Variants in PLD1 observed in about 807,000 individuals in gnomAD.
PLD1 encodes phospholipase D1.
In PLD1, 112 loss-of-function variants were observed where a neutral mutation model predicts 137.1. The observed-to-expected ratio is 0.82, with a 90% CI of 0.70 to 0.96. The LOEUF (loss-of-function observed/expected upper bound fraction) is 0.96. Ranked by LOEUF, PLD1 falls within the 40% of genes least tolerant of loss-of-function variation. The probability of loss-of-function intolerance (pLI) is 0.00; values close to 1 mark genes in which losing one functional copy is unlikely to be tolerated. For synonymous variants in PLD1, 431 were observed against 454.7 expected, an observed-to-expected ratio of 0.95 and a Z score of 0.66; for missense variants, 1,321 against 1,342.0, an observed-to-expected ratio of 0.98 and a Z score of 0.24.
intron 1 of PLD1, among the ~76,000 whole-genome samples, chr3:171,758,607 G>T (rs1050297038): frequency 6.6e-6 from 1 of 152,160 alleles, no homozygotes; most frequent in East Asian, 1.9e-4. Context: ...ATCCAAGTGA[G>T]CCATATGCAT....
chr3:171,683,148 G>A (rs1023164233), intron 16 of PLD1, among the ~76,000 whole-genome samples: 1 of 152,076 alleles, frequency 6.6e-6, no homozygotes, highest in African/African-American at 2.4e-5. Flanking sequence ...TTCCAGTGGG[G>A]CCAAAGATTT....
intron 25 of PLD1, among the ~76,000 whole-genome samples, chr3:171,606,377 T>C (rs550545633): frequency 6.6e-6 from 1 of 152,290 alleles, no homozygotes; most frequent in African/African-American, 2.4e-5. Flanking sequence ...AGTAGATAAA[T>C]GGAACTGGGG....
At chr3:171,617,737 G>T (rs901146179) in intron 24 of PLD1, among the ~76,000 whole-genome samples, 1 of 152,084 alleles carries the variant, frequency 6.6e-6, no homozygotes, top group Non-Finnish European at 1.5e-5. Flanking sequence ...ATGCACAAAA[G>T]AGATCTTCAG....
intron 11 of PLD1, among the ~76,000 whole-genome samples, chr3:171,705,774 G>A (rs1233892747): frequency 6.6e-6 from 1 of 152,106 alleles, no homozygotes; most frequent in Non-Finnish European, 1.5e-5. Flanking sequence ...TACAACTTTG[G>A]AAAACACTAC....
chr3:171,775,338 A>G (rs1381044811), intron 1 of PLD1, among the ~76,000 whole-genome samples: 3 of 152,202 alleles, frequency 2.0e-5, no homozygotes. Flanking sequence ...AATGCATTTT[A>G]ATAAAGGACA....
rs930972547 is a variant in PLD1, at chr3:171,763,836, T to C, written c.-31-25754A>G. ...CAGCTTATTTTCTTTCTTTCTTTTT[T>C]TTTTTTTTTTTTTTTTGAGATAGAG... On this transcript the variant is annotated intron_variant, in intron 1 of 26. Transcript: ENST00000351298. 9.8e-5 allele frequency among the ~76,000 whole-genome samples: 14 copies of C among 142,264 alleles called. 1 individual carries two copies. The highest frequency in any genetic ancestry group is 3.3e-3 in the Middle Eastern group (1 of 306). 93.3% of individuals were successfully genotyped at this position (142,264 alleles called of 152,430 possible). A position where few individuals can be genotyped will look rare whatever the true frequency, so the allele number is the denominator to read the frequency against.
intron 1 of PLD1, among the ~76,000 whole-genome samples, chr3:171,797,287 G>A (rs1247315186): frequency 1.3e-5 from 2 of 152,242 alleles, no homozygotes; most frequent in South Asian, 4.1e-4. Flanking sequence ...TCCACACCCT[G>A]TTTCCCATTG....
chr3:171,787,560 A>G (rs78900287), intron 1 of PLD1, among the ~76,000 whole-genome samples: 3,339 of 152,302 alleles, frequency 0.022, 126 homozygotes, highest in African/African-American at 0.076. Flanking sequence ...CCAAGAAAGG[A>G]ATCTAAAATA....
intron 11 of PLD1, among the ~76,000 whole-genome samples, chr3:171,701,958 T>C (rs1245577262): frequency 6.6e-6 from 1 of 152,170 alleles, no homozygotes; most frequent in Non-Finnish European, 1.5e-5. Flanking sequence ...TGACTTTAAA[T>C]GCTTACATGA....
intron 23 of PLD1, among the ~76,000 whole-genome samples, chr3:171,634,409 GATTTT>G (rs1734934708): frequency 6.6e-6 from 1 of 151,970 alleles, no homozygotes; most frequent in Non-Finnish European, 1.5e-5. Flanking sequence ...TGATTTTCCC[GATTTT>G]ATTTTATCGA....
chr3:171,639,597 TCATATA>T (rs1560170142), intron 23 of PLD1, among the ~76,000 whole-genome samples: 2 of 88,920 alleles, frequency 2.2e-5, no homozygotes, highest in African/African-American at 1.1e-4. Context: ...TAATATATAT[TCATATA>T]ATATATATTA....
Position 171,682,144 on chromosome 3 carries a change from G to GAA in PLD1, c.1868-4452_1868-4451dup, listed in dbSNP as rs751367862. ...AGAAAGAAAGAAAGAAAGAAAGAAA[G>GAA]AAAGAAAGAAAGAAAGAAAGAAAAA... On this transcript the variant is annotated intron_variant, in intron 16 of 26. Transcript: ENST00000351298. 1.6e-4 allele frequency among the ~76,000 whole-genome samples: 16 copies of GAA among 99,422 alleles called. No homozygotes were observed. The East Asian group carries it at 2.7e-3, about 17-fold the overall frequency. 65.2% of individuals were successfully genotyped at this position (99,422 alleles called of 152,430 possible). A position where few individuals can be genotyped will look rare whatever the true frequency, so the allele number is the denominator to read the frequency against.
rs182478157 is a variant in PLD1, at chr3:171,652,801, G to T, written c.2429+6412C>A. The stretch of plus-strand genomic sequence containing the variant: ...TTTTTTTTTTTTTTTTTTTTGTAGA[G>T]ACTAGGTCTCACTATGTTGCACAGA... On this transcript the variant is annotated intron_variant, in intron 21 of 26. Coordinates refer to ENST00000351298, the MANE Select transcript of PLD1 (RefSeq NM_002662.5). Among the ~76,000 whole-genome samples, 94 of 111,968 alleles carry T rather than the reference G, an allele frequency of 8.4e-4. 2 individuals are homozygous for T. In the East Asian group the frequency reaches 0.02, roughly 23 times the overall value. 73.5% of individuals were successfully genotyped at this position (111,968 alleles called of 152,430 possible).
chr3:171,718,228 T>C (rs1285232090), intron 8 of PLD1, among the ~76,000 whole-genome samples: 2 of 152,268 alleles, frequency 1.3e-5, no homozygotes, highest in South Asian at 4.1e-4. Context: ...CCCAGACACA[T>C]ACATCCCCCT....
chr3:171,677,675 A>G lies in PLD1; in HGVS notation c.1887T>C (p.Ser629=). 2 of 1,614,044 alleles carry G rather than the reference A, an allele frequency of 1.2e-6. No homozygotes were observed. The highest frequency in any genetic ancestry group is 1.7e-6 in the Non-Finnish European group (2 of 1,179,966). The part of the protein sequence containing the change: ...RPHADTGSIR[S]LQTGVGELHG... ...GCAGCTCTCCCACACCTGTCTGTAA[A>G]CTACGGATGGACCCGGTATCTGTGA... Residue 629 remains serine (S), a synonymous_variant, in exon 17 of 27, where the codon AGT becomes AGC. Transcript: ENST00000351298.
intron 11 of PLD1, among the ~76,000 whole-genome samples, chr3:171,703,862 T>C (rs1578316734): frequency 1.3e-5 from 2 of 152,214 alleles, no homozygotes; most frequent in South Asian, 4.2e-4. Flanking sequence ...AGTGACAGGG[T>C]TGCAGTGGAA....
chr3:171,603,108 C>T lies in PLD1; in HGVS notation c.3195G>A (p.Glu1065=). Residue 1065 remains glutamate, a synonymous_variant, in exon 27 of 27, where the codon GAG becomes GAA. Transcript: ENST00000351298. The stretch of plus-strand genomic sequence containing the variant: ...TCCAAACCTCCATGGGCACTATGGC[C>T]TCTTTGGTCCCAACAGAAGGCAGTA... ...ESLLPSVGTK[E]AIVPMEVWT is the part of the protein sequence containing the mutation. 6.2e-7 allele frequency: 1 copy of T among 1,613,958 alleles called. No individual in the cohort carries two copies. The highest frequency in any genetic ancestry group is 1.3e-5 in the African/African-American group (1 of 75,020).
intron 19 of PLD1, among the ~76,000 whole-genome samples, chr3:171,672,899 C>T (rs1712938703): frequency 6.6e-6 from 1 of 152,208 alleles, no homozygotes; most frequent in South Asian, 2.1e-4. Flanking sequence ...TGAGTCAGGG[C>T]TTTACCAACA....
chr3:171,725,947 C>A, intron 7 of PLD1, 71 bp downstream of exon 7: 1 of 1,008,866 alleles, frequency 9.9e-7, no homozygotes, highest in Non-Finnish European at 1.6e-6. Context: ...ATCACCATGG[C>A]ATGCTGCTAC....
Sources: allele counts gnomAD v4.1 joint callset (sites outside exome capture counted in the v4.1 genomes callset), GRCh38; gene constraint gnomAD v4.1.1; transcripts MANE v1.5; gene names NCBI Gene and HGNC (gene_info 2026-07-23, HGNC 2026-07-21).